The following MDGA2 variants were observed in gnomAD, a reference collection of about 807,000 sequenced individuals.
MDGA2 encodes the protein MAM domain containing glycosylphosphatidylinositol anchor 2.
Under a neutral mutation model 117.8 loss-of-function variants are expected in MDGA2, and 40 were observed. The ratio of observed to expected loss-of-function variants is 0.34; its 90% confidence interval spans 0.26 to 0.44. MDGA2 has a LOEUF of 0.44. Among genes scored for constraint, MDGA2 ranks in the 20% least tolerant of loss-of-function variants. The pLI is 1.00. For missense variants in MDGA2, 1,123 were observed against 1,250.6 expected, an observed-to-expected ratio of 0.90 and a Z score of 1.54; for synonymous variants, 452 against 439.0, an observed-to-expected ratio of 1.03 and a Z score of -0.37.
chr14:47,650,229 C>G lies in MDGA2; in HGVS notation c.280+24288G>C, dbSNP rs575391619. On this transcript the variant is annotated intron_variant, in intron 1 of 16. Transcript: ENST00000399232. ...ATCTCTTTTTGGGCCTGAAGCATGC[C>G]AGCCTTTAGGCTGGAACTACGTCCT... is the stretch of plus-strand genomic sequence containing the variant. Among the ~76,000 whole-genome samples the G allele has an allele frequency of 6.9e-4, 105 of 152,254 alleles. 2 individuals are homozygous for G. Among genetic ancestry groups the G allele is most frequent in the Middle Eastern group, 6.8e-3 (2 of 294 alleles).
intron 1 of MDGA2, among the ~76,000 whole-genome samples, chr14:47,654,000 T>C (rs1392885483): frequency 2.6e-5 from 4 of 152,176 alleles, no homozygotes; most frequent in South Asian, 4.1e-4. Flanking sequence ...AGAGAACTAA[T>C]ATTGCTTAAA....
At chr14:47,042,283 T>C (rs1002923202) in intron 7 of MDGA2, among the ~76,000 whole-genome samples, 1 of 149,846 alleles carries the variant, frequency 6.7e-6, no homozygotes, top group Non-Finnish European at 1.5e-5. Context: ...AATTTGTAGA[T>C]GCAAATAATC....
chr14:46,897,172 A>G (rs563694759), intron 10 of MDGA2, among the ~76,000 whole-genome samples: 17 of 152,132 alleles, frequency 1.1e-4, no homozygotes, highest in Non-Finnish European at 1.2e-4. Flanking sequence ...CCATATTTAG[A>G]TTATTGTTCT....
chr14:47,031,880 A>T (rs1218198006), intron 8 of MDGA2, among the ~76,000 whole-genome samples: 1 of 152,216 alleles, frequency 6.6e-6, no homozygotes, highest in African/African-American at 2.4e-5. Flanking sequence ...AAGCTTCCAG[A>T]AGCCTCTCCA....
chr14:47,386,405 A>T (rs1266392328), intron 1 of MDGA2, among the ~76,000 whole-genome samples: 1 of 152,180 alleles, frequency 6.6e-6, no homozygotes, highest in Non-Finnish European at 1.5e-5. Flanking sequence ...GACTGATAAC[A>T]CGTAGTTAAC....
At position 47,054,770 on chromosome 14, in the gene MDGA2, T is replaced by C. The variant is rs570175982; in HGVS notation, c.1525+6479A>G. Among the ~76,000 whole-genome samples the C allele has an allele frequency of 2.0e-5, 3 of 151,808 alleles. No homozygotes were observed. The South Asian group carries it at 6.2e-4, about 32-fold the overall frequency. Reference sequence around the variant, plus strand: ...AATGGGGAAAGGATTCCCTATTTAATAAATGGTGCTGGGAAAACTGGCTAG... The same window carrying C: ...AATGGGGAAAGGATTCCCTATTTAACAAATGGTGCTGGGAAAACTGGCTAG... On this transcript the variant is annotated intron_variant, in intron 7 of 16. Transcript: ENST00000399232.
At chr14:47,239,555 T>A (rs1049001844) in intron 2 of MDGA2, among the ~76,000 whole-genome samples, 1 of 151,856 alleles carries the variant, frequency 6.6e-6, no homozygotes, top group African/African-American at 2.4e-5. Flanking sequence ...CAATTTTAAT[T>A]GAAGAGAATT....
At chr14:47,278,786 C>T (rs1888384716) in intron 2 of MDGA2, among the ~76,000 whole-genome samples, 1 of 152,068 alleles carries the variant, frequency 6.6e-6, no homozygotes, top group Admixed American at 6.5e-5. Context: ...CCTCCTCATC[C>T]CCTGTCCCCT....
At chr14:47,233,654 T>C (rs756546708) in intron 2 of MDGA2, among the ~76,000 whole-genome samples, 1 of 152,122 alleles carries the variant, frequency 6.6e-6, no homozygotes, top group Non-Finnish European at 1.5e-5. Context: ...AAGAAAAAGA[T>C]GTTACTATAG....
intron 2 of MDGA2, among the ~76,000 whole-genome samples, chr14:47,243,339 G>C (rs955425937): frequency 6.6e-6 from 1 of 151,718 alleles, no homozygotes; most frequent in South Asian, 2.1e-4. Flanking sequence ...CAATCAGCAG[G>C]ATGTGGGTGG....
chr14:47,050,980 T>C (rs1441686133), intron 7 of MDGA2, among the ~76,000 whole-genome samples: 1 of 151,988 alleles, frequency 6.6e-6, no homozygotes, highest in Non-Finnish European at 1.5e-5. Context: ...AACTAGAATG[T>C]TACCTGAATC....
chr14:46,923,551 A>G (rs973792418), intron 9 of MDGA2, among the ~76,000 whole-genome samples: 1 of 152,130 alleles, frequency 6.6e-6, no homozygotes, highest in African/African-American at 2.4e-5. Context: ...TAGATGGTGC[A>G]TAAATAGTAA....
intron 8 of MDGA2, among the ~76,000 whole-genome samples, chr14:47,026,169 G>A (rs1323212864): frequency 6.6e-6 from 1 of 152,072 alleles, no homozygotes; most frequent in Middle Eastern, 3.2e-3. Context: ...AGATACAATT[G>A]CTAACAACAT....
At chr14:47,101,161 T>C (rs1032817595) in intron 5 of MDGA2, among the ~76,000 whole-genome samples, 10 of 151,564 alleles carry the variant, frequency 6.6e-5, no homozygotes, top group Admixed American at 4.0e-4. Context: ...TGGAGAGGCA[T>C]AGTGATTTCG....
At chr14:47,385,498 C>T (rs1891736369) in intron 1 of MDGA2, among the ~76,000 whole-genome samples, 1 of 151,928 alleles carries the variant, frequency 6.6e-6, no homozygotes, top group Non-Finnish European at 1.5e-5. Context: ...GCAAATAGGA[C>T]ATTGTTTTAA....
In MDGA2 at chr14:46,882,305, T is replaced by A. The variant is rs890838259; in HGVS notation, c.2239-84A>T. ...AAATTGAAAACAAATTTTGAAATTT[T>A]ATTAAATCAAAAAGTACGTATATTA... On this transcript the variant is annotated intron_variant, in intron 10 of 16. Coordinates refer to ENST00000399232, the MANE Select transcript of MDGA2 (RefSeq NM_001113498.3). 4.1e-6 allele frequency: 5 copies of A among 1,223,882 alleles called. No individual in the cohort carries two copies. The Middle Eastern group carries it at 6.0e-4, about 146-fold the overall frequency. 75.8% of individuals were successfully genotyped at this position (1,223,882 alleles called of 1,614,324 possible). A position where few individuals can be genotyped will look rare whatever the true frequency, so the allele number is the denominator to read the frequency against.
intron 1 of MDGA2, among the ~76,000 whole-genome samples, chr14:47,334,968 T>C (rs1390582861): frequency 6.6e-6 from 1 of 151,948 alleles, no homozygotes; most frequent in Non-Finnish European, 1.5e-5. Flanking sequence ...TAAGGTAATC[T>C]GGAGTAGCTT....
chr14:47,420,902 T>C (rs942603459), intron 1 of MDGA2, among the ~76,000 whole-genome samples: 2 of 152,168 alleles, frequency 1.3e-5, no homozygotes, highest in African/African-American at 4.8e-5. Flanking sequence ...ACACAAATGG[T>C]GCACCCTTTC....
chr14:47,061,703 T>C (rs1889890318), intron 6 of MDGA2, 125 bp from the exon 7 acceptor site: 3 of 771,680 alleles, frequency 3.9e-6, no homozygotes, highest in African/African-American at 1.8e-5. Flanking sequence ...TATATTTCTT[T>C]TTTATATCCA....
Sources: allele counts gnomAD v4.1 joint callset (sites outside exome capture counted in the v4.1 genomes callset), GRCh38; gene constraint gnomAD v4.1.1; transcripts MANE v1.5; gene names NCBI Gene and HGNC (gene_info 2026-07-23, HGNC 2026-07-21).